The following SLC2A2 variants were observed in gnomAD, a reference collection of about 807,000 sequenced individuals.
The protein encoded by SLC2A2 is solute carrier family 2 member 2, also known as solute carrier family 2, facilitated glucose transporter member 2.
SLC2A2 carries 36 observed loss-of-function variants against 54.5 expected under a neutral mutation model. The observed-to-expected ratio is 0.66, with a 90% CI of 0.51 to 0.87. SLC2A2 has a LOEUF of 0.87. Among genes scored for constraint, SLC2A2 ranks in the 40% least tolerant of loss-of-function variants. The pLI, the probability that SLC2A2 is intolerant of heterozygous loss-of-function variation, is 0.00. For synonymous variants in SLC2A2, 223 were observed against 219.1 expected (o/e 1.02, Z -0.16); for missense variants, 543 against 624.3 (o/e 0.87, Z 1.39).
chr3:171,026,567 A>T, intron 1 of SLC2A2, 89 bp downstream of exon 1: 1 of 1,094,504 alleles, frequency 9.1e-7, no homozygotes, highest in South Asian at 1.2e-5. Context: ...GCTACACCCA[A>T]CCTCCCCCAA....
chr3:171,018,565 C>T lies in SLC2A2; in HGVS notation c.74G>A (p.Gly25Glu). The T allele has an allele frequency of 6.2e-7, 1 of 1,613,982 alleles. No homozygotes were observed. Among genetic ancestry groups the T allele is most frequent in the East Asian group, 2.2e-5 (1 of 44,878 alleles). ...ITAVLGSFQF[G>E]YDIGVINAPQ... ...TGCATTGATCACACCAATGTCATAT[C>T]CAAACTGGAAGGAACCCAGCACAGC... The change falls in exon 2 of 11, where the codon GGA becomes GAA. Residue 25 changes from glycine (G) to glutamate (E), a missense_variant. This residue lies in a region of SLC2A2 where 318 missense variants were observed against 343.8 expected (regional missense o/e 0.93). Coordinates refer to ENST00000314251, the MANE Select transcript of SLC2A2 (RefSeq NM_000340.2).
intron 7 of SLC2A2, among the ~76,000 whole-genome samples, chr3:171,004,594 T>G (rs1409691942): frequency 6.6e-6 from 1 of 150,982 alleles, no homozygotes; most frequent in East Asian, 1.9e-4. Flanking sequence ...AAGTGGTGTT[T>G]TTTTTTTTTT....
Position 171,014,653 on chromosome 3 carries a change from T to C in SLC2A2, c.187A>G (p.Ser63Gly), listed in dbSNP as rs1716049094. The change falls in exon 3 of 11, where the codon AGT (serine) becomes GGT (glycine). Residue 63 changes from serine to glycine, a missense_variant. Ser to Gly is a moderately conservative substitution (Grantham distance 56, BLOSUM62 0). Around this residue, in one of 3 missense-constraint regions of SLC2A2, gnomAD observed 318 missense variants for 343.8 expected, o/e 0.93. Coordinates refer to ENST00000314251, the MANE Select transcript of SLC2A2 (RefSeq NM_000340.2). ...GAGATTGTGGGCAGTTCATCTGTAC[T>C]GTTGATAACATAGTTGTTGATAGCT... ...RKAINNYVIN[S>G]TDELPTISYS... is the part of the protein sequence containing the mutation. 1.2e-6 allele frequency: 2 copies of C among 1,614,114 alleles called. No homozygotes were observed. Among genetic ancestry groups the C allele is most frequent in the East Asian group, 4.5e-5 (2 of 44,882 alleles).
rs1560031509 is a variant in SLC2A2 at position 170,998,340 on chromosome 3, G to A, written c.1227C>T (p.Ser409=). 1.2e-6 allele frequency: 2 copies of A among 1,613,710 alleles called. No homozygotes were observed. The highest frequency in any genetic ancestry group is 8.5e-7 in the Non-Finnish European group (1 of 1,179,790). ...TCGGGCCTGGCCCAATTTCAAAGAA[G>A]CTGACAAAGAGGAAGATGGCTATCA... is the stretch of plus-strand genomic sequence containing the variant. ...VSMIAIFLFV[S]FFEIGPGPIP... The change falls in exon 10 of 11, where the codon AGC becomes AGT. Residue 409 remains serine (S), a synonymous_variant. Transcript: ENST00000314251.
intron 8 of SLC2A2, among the ~76,000 whole-genome samples, chr3:171,001,300 C>G (rs909915951): frequency 3.3e-5 from 5 of 151,828 alleles, no homozygotes; most frequent in African/African-American, 1.2e-4. Flanking sequence ...AAAAATATTC[C>G]AGGAGACAAA....
chr3:171,007,444 T>A (rs1358487444), intron 4 of SLC2A2, 181 bp from the exon 5 acceptor site: 5 of 611,300 alleles, frequency 8.2e-6, no homozygotes, highest in Admixed American at 2.5e-5. Context: ...TGACCTCATA[T>A]GCAGTTGTAG....
intron 3 of SLC2A2, among the ~76,000 whole-genome samples, chr3:171,010,460 C>T (rs1715833273): frequency 6.6e-6 from 1 of 152,102 alleles, no homozygotes; most frequent in African/African-American, 2.4e-5. Context: ...ATGATTCAAT[C>T]CTGGTGAGGA....
Position 170,996,854 on chromosome 3 carries a change from A to C in SLC2A2, c.*1049T>G. ...AATAGGGATTTTGATAAAAGTCTGA[A>C]GCTGAACATTTATGAAGTTTCAGAA... On this transcript the variant is annotated 3_prime_UTR_variant, in exon 11 of 11. Coordinates refer to ENST00000314251, the MANE Select transcript of SLC2A2 (RefSeq NM_000340.2). 1 of 389,890 alleles carries C rather than the reference A, an allele frequency of 2.6e-6. No individual in the cohort carries two copies. Among genetic ancestry groups the C allele is most frequent in the Non-Finnish European group, 4.5e-6 (1 of 220,612 alleles). The allele number at this position is 389,890 out of a possible 1,614,324, so 24.2% of individuals were successfully genotyped here.
chr3:171,011,977 T>G (rs965051401), intron 3 of SLC2A2, among the ~76,000 whole-genome samples: 2 of 152,156 alleles, frequency 1.3e-5, no homozygotes, highest in African/African-American at 4.8e-5. Flanking sequence ...CACAAATAAA[T>G]ACTTTAAAAA....
intron 9 of SLC2A2, among the ~76,000 whole-genome samples, chr3:170,998,689 G>A (rs1388074871): frequency 6.6e-6 from 1 of 152,122 alleles, no homozygotes; most frequent in Non-Finnish European, 1.5e-5. Flanking sequence ...AAGATGTTTA[G>A]CTCCCTGTGA....
chr3:171,008,609 G>C (rs1249831290), intron 4 of SLC2A2, among the ~76,000 whole-genome samples: 2 of 151,948 alleles, frequency 1.3e-5, no homozygotes, highest in South Asian at 2.1e-4. Context: ...TATAGCATTT[G>C]TTTTCAATTT....
intron 7 of SLC2A2, among the ~76,000 whole-genome samples, chr3:171,005,070 C>T (rs961180105): frequency 6.6e-6 from 1 of 151,872 alleles, no homozygotes; most frequent in African/African-American, 2.4e-5. Context: ...ATATATAGTA[C>T]CATTGACTGT....
At chr3:171,023,886 T>A (rs1343956699) in intron 1 of SLC2A2, among the ~76,000 whole-genome samples, 1 of 152,200 alleles carries the variant, frequency 6.6e-6, no homozygotes, top group African/African-American at 2.4e-5. Context: ...CATTAGGAGC[T>A]TAATAACTTT....
chr3:171,019,388 T>C (rs1716349642), intron 1 of SLC2A2, among the ~76,000 whole-genome samples: 1 of 151,872 alleles, frequency 6.6e-6, no homozygotes, highest in African/African-American at 2.4e-5. Context: ...CTTTTCAGGA[T>C]TTGCATCTAG....
chr3:171,018,394 G>T, intron 2 of SLC2A2, 137 bp downstream of exon 2: 1 of 747,514 alleles, frequency 1.3e-6, no homozygotes, highest in Non-Finnish European at 2.4e-6. Context: ...CTTTGGAACA[G>T]TGCACATCGT....
chr3:171,007,418 C>T (rs958397917), intron 4 of SLC2A2, 155 bp from the exon 5 acceptor site: 7 of 654,894 alleles, frequency 1.1e-5, no homozygotes, highest in Non-Finnish European at 1.7e-5. Flanking sequence ...ATAGTTTGTG[C>T]AGGAGATATT....
Position 171,006,082 on chromosome 3 carries a change from C to T in SLC2A2, c.636G>A (p.Leu212=), listed in dbSNP as rs757795494. 1 of 1,612,274 alleles carries T rather than the reference C, an allele frequency of 6.2e-7. No homozygotes were observed. The highest frequency in any genetic ancestry group is 8.5e-7 in the Non-Finnish European group (1 of 1,178,912). Residue 212 remains leucine (L), a synonymous_variant, in exon 6 of 11, where the codon TTG becomes TTA. Coordinates refer to ENST00000314251, the MANE Select transcript of SLC2A2 (RefSeq NM_000340.2). ...ISQIIGLEFI[L]GNYDLWHILL... ...GGATGTGCCACAGATCATAATTGCC[C>T]AAGATAAATTCAAGACCAATAATCT... is the stretch of plus-strand genomic sequence containing the variant.
intron 2 of SLC2A2, among the ~76,000 whole-genome samples, chr3:171,018,188 G>A (rs1283163103): frequency 6.6e-6 from 1 of 152,014 alleles, no homozygotes; most frequent in Admixed American, 6.6e-5. Context: ...TTCATGTATG[G>A]CTGAGATCTC....
Position 171,009,991 on chromosome 3 carries a change from T to G in SLC2A2, c.463A>C (p.Ile155Leu). The change falls in exon 4 of 11, where the codon ATT (isoleucine) becomes CTT (leucine). Residue 155 changes from isoleucine (I) to leucine (L), a missense_variant. Transcript: ENST00000314251. ...SKLGPSHILI[I>L]AGRSISGLYC... The stretch of plus-strand genomic sequence containing the variant: ...AGTCCTGATATGCTTCTTCCAGCAA[T>G]TATAAGTATATGAGATGGTCCCAAT... 1 of 1,605,504 alleles carries G rather than the reference T, an allele frequency of 6.2e-7. No individual in the cohort carries two copies. Among genetic ancestry groups the G allele is most frequent in the Non-Finnish European group, 8.5e-7 (1 of 1,175,038 alleles).
Sources: gnomAD v4.1 joint callset for allele counts (sites outside exome capture counted in the v4.1 genomes callset) on GRCh38, gnomAD v4.1.1 for gene constraint, gnomAD v4.1.1 regional missense constraint, MANE v1.5 for transcripts, NCBI Gene and HGNC (gene_info 2026-07-23, HGNC 2026-07-21) for gene names.